Variants in FAAH2 observed in about 807,000 individuals in gnomAD.
FAAH2 encodes the protein fatty-acid amide hydrolase 2.
In FAAH2, 60 loss-of-function variants were observed where a neutral mutation model predicts 36.9. The ratio of observed to expected loss-of-function variants is 1.63; its 90% CI spans 1.32 to 2.02. The LOEUF is 2.02. FAAH2 is among the 30% of genes most tolerant of loss of function. FAAH2 has a pLI of 0.00. For synonymous variants in FAAH2, 214 were observed against 143.8 expected, an observed-to-expected ratio of 1.49 and a Z score of -3.49; for missense variants, 689 against 397.5, an observed-to-expected ratio of 1.73 and a Z score of -6.23.
the FAAH2 span, among the ~76,000 whole-genome samples, chrX:57,166,084 A>G: frequency 9.0e-6 from 1 of 110,545 alleles, no homozygotes; most frequent in African/African-American, 3.3e-5. Context: ...AACCACCGAC[A>G]GGCCATCAGC....
the FAAH2 span, among the ~76,000 whole-genome samples, chrX:57,154,177 C>T: frequency 1.8e-5 from 2 of 110,242 alleles, no homozygotes; most frequent in Non-Finnish European, 3.8e-5. Context: ...TTTTGCATTT[C>T]CCTAAGTGTG....
the FAAH2 span, among the ~76,000 whole-genome samples, chrX:57,252,866 G>A: frequency 8.9e-6 from 1 of 112,411 alleles, no homozygotes; most frequent in African/African-American, 3.2e-5. Flanking sequence ...TCCTCCAAAG[G>A]AACACAACTC....
At chrX:57,333,422 C>A (rs915309375) in intron 4 of FAAH2, among the ~76,000 whole-genome samples, 2 of 111,479 alleles carry the variant, frequency 1.8e-5, no homozygotes, top group African/African-American at 6.5e-5. Context: ...GAGAAAGCAA[C>A]CATCAAGATT....
intron 2 of FAAH2, among the ~76,000 whole-genome samples, chrX:57,300,482 G>A (rs1200568137): frequency 8.9e-6 from 1 of 112,087 alleles, no homozygotes. Flanking sequence ...AGACTTACAT[G>A]TCAGACCTAA....
rs1049942053 is a variant in FAAH2 at position 57,339,723 on chromosome X, G to A, written c.623-1548G>A. Reference sequence around the variant, plus strand: ...GATACCATCTCACACCAGTCAGAATGGCAATTATTAAAAAGCCAAGGAACA... The same window carrying A: ...GATACCATCTCACACCAGTCAGAATAGCAATTATTAAAAAGCCAAGGAACA... On this transcript the variant is annotated intron_variant, in intron 4 of 10. Coordinates refer to ENST00000374900, the MANE Select transcript of FAAH2 (RefSeq NM_174912.4). Among the ~76,000 whole-genome samples the A allele has an allele frequency of 2.7e-5, 3 of 112,055 alleles. No homozygotes were observed. The East Asian group carries it at 8.4e-4, about 32-fold the overall frequency.
At chrX:57,353,487 T>TAAAAAAAAAAAAAAA (rs3035714) in intron 5 of FAAH2, among the ~76,000 whole-genome samples, 3 of 83,826 alleles carry the variant, frequency 3.6e-5, no homozygotes, top group East Asian at 3.6e-4. Flanking sequence ...CCCAAATTAT[T>TAAAAAAAAAAAAAAA]AAAAAAAAAA....
chrX:57,447,203 C>T (rs1178242603), intron 9 of FAAH2, among the ~76,000 whole-genome samples, 164 bp downstream of exon 9: 2 of 111,984 alleles, frequency 1.8e-5, no homozygotes, highest in African/African-American at 6.5e-5. Context: ...GTCTCACATC[C>T]AGGTCACGCT....
At chrX:57,128,102 C>T in the FAAH2 span, among the ~76,000 whole-genome samples, 3 of 111,663 alleles carry the variant, frequency 2.7e-5, no homozygotes, top group South Asian at 1.1e-3. Flanking sequence ...GAATGCAATC[C>T]AATTGTGACA....
chrX:57,451,801 T>A (rs993782462), intron 10 of FAAH2, among the ~76,000 whole-genome samples: 16 of 111,507 alleles, frequency 1.4e-4, no homozygotes, highest in Non-Finnish European at 2.8e-4. Flanking sequence ...GCAAAAAAAA[T>A]TTATTTGTCT....
intron 5 of FAAH2, among the ~76,000 whole-genome samples, chrX:57,366,798 G>T (rs1312884254): frequency 8.9e-6 from 1 of 112,456 alleles, no homozygotes; most frequent in Non-Finnish European, 1.9e-5. Context: ...CCTGGCAGAG[G>T]TTAGCAGATA....
chrX:57,477,868 TTTCTTAATGCAGTCTATCA>T (rs1392870630), intron 10 of FAAH2, among the ~76,000 whole-genome samples: 1 of 112,124 alleles, frequency 8.9e-6, no homozygotes, highest in African/African-American at 3.2e-5. Flanking sequence ...TGTGCCACAT[TTTCTTAATGCAGTCTATCA>T]TTGTTGGACA....
In FAAH2 at chrX:57,331,677, G is replaced by C. The variant is rs781669402; in HGVS notation, c.492G>C (p.Lys164Asn). 5 of 1,209,915 alleles carry C rather than the reference G, an allele frequency of 4.1e-6. No individual in the cohort carries two copies. Among genetic ancestry groups the C allele is most frequent in the Non-Finnish European group, 5.6e-6 (5 of 895,078 alleles). ...ATGCCACTGTGGTGGCATTACTGAA[G>C]GGAGCTGGTGCCATTCCTCTTGGCA... ...KTDATVVALL[K>N]GAGAIPLGIT... The change falls in exon 4 of 11, where the codon AAG becomes AAC. Residue 164 changes from lysine to asparagine, a missense_variant. By Grantham distance (94) the Lys-to-Asn change is moderately conservative (BLOSUM62 0). Coordinates refer to ENST00000374900, the MANE Select transcript of FAAH2 (RefSeq NM_174912.4).
chrX:57,288,748 T>C (rs1171440130), intron 1 of FAAH2, among the ~76,000 whole-genome samples: 2 of 111,382 alleles, frequency 1.8e-5, no homozygotes, highest in Non-Finnish European at 3.8e-5. Flanking sequence ...ATGAATTAAA[T>C]GAATTCATAT....
the FAAH2 span, among the ~76,000 whole-genome samples, chrX:57,138,505 A>G: frequency 4.5e-5 from 5 of 110,679 alleles, no homozygotes; most frequent in Non-Finnish European, 9.4e-5. Context: ...TATTGTGATC[A>G]GTGCTGCAAA....
the FAAH2 span, among the ~76,000 whole-genome samples, chrX:57,212,890 G>A: frequency 1.8e-5 from 2 of 111,765 alleles, no homozygotes; most frequent in Non-Finnish European, 3.8e-5. Flanking sequence ...ATAATTTCAG[G>A]AGGGTTGGTA....
chrX:57,238,655 A>G, the FAAH2 span, among the ~76,000 whole-genome samples: 1 of 112,072 alleles, frequency 8.9e-6, no homozygotes, highest in Non-Finnish European at 1.9e-5. Context: ...CTTCCTTTTA[A>G]AAATTTTATT....
intron 10 of FAAH2, among the ~76,000 whole-genome samples, chrX:57,470,378 A>AG (rs2147245638): frequency 8.9e-6 from 1 of 111,762 alleles, no homozygotes; most frequent in East Asian, 2.8e-4. Context: ...AGAAAAGAGA[A>AG]GAATCAAATA....
intron 3 of FAAH2, among the ~76,000 whole-genome samples, chrX:57,322,540 G>A (rs190640084): frequency 9.1e-4 from 101 of 111,403 alleles, no homozygotes; most frequent in African/African-American, 3.1e-3. Context: ...TCGAATGTTG[G>A]CCTCTCTGTC....
At chrX:57,151,308 GC>G in the FAAH2 span, among the ~76,000 whole-genome samples, 103 of 111,888 alleles carry the variant, frequency 9.2e-4, no homozygotes, top group African/African-American at 3.1e-3. Flanking sequence ...ATGTTGGCCT[GC>G]CTTGCTAGAT....
Sources: allele counts gnomAD v4.1 joint callset (sites outside exome capture counted in the v4.1 genomes callset), GRCh38; gene constraint gnomAD v4.1.1; transcripts MANE v1.5; gene names NCBI Gene and HGNC (gene_info 2026-07-23, HGNC 2026-07-21).